The following CNOT6L variants were observed in gnomAD, a reference collection of about 807,000 sequenced individuals.
The protein encoded by CNOT6L is CCR4-NOT transcription complex subunit 6 like, also known as CCR4-NOT transcription complex subunit 6-like.
Under a neutral mutation model 64.0 loss-of-function variants are expected in CNOT6L, and 7 were observed. That is an observed-to-expected ratio of 0.11 (90% CI 0.06 to 0.21). CNOT6L has a LOEUF of 0.21. Ranked by LOEUF, CNOT6L falls within the 10% of genes least tolerant of loss-of-function variation. The pLI is 1.00. For missense variants in CNOT6L, 245 were observed against 669.0 expected, an observed-to-expected ratio of 0.37 and a Z score of 6.99; for synonymous variants, 193 against 243.4, an observed-to-expected ratio of 0.79 and a Z score of 1.93.
chr4:77,791,759 A>C (rs1730172228), intron 1 of CNOT6L, among the ~76,000 whole-genome samples: 2 of 152,100 alleles, frequency 1.3e-5, no homozygotes, highest in Admixed American at 6.5e-5. Flanking sequence ...TTGACTGTAA[A>C]TCACTCACAT....
chr4:77,793,117 T>A (rs972178532), intron 1 of CNOT6L, among the ~76,000 whole-genome samples: 1 of 151,904 alleles, frequency 6.6e-6, no homozygotes, highest in Non-Finnish European at 1.5e-5. Context: ...ATAGTATCCA[T>A]TGAAAAAAGC....
Position 77,729,042 on chromosome 4 carries a change from A to G in CNOT6L, c.1064T>C (p.Ile355Thr). ...CCAATGCATGTGGGCATTTGCCACT[A>G]TAAGCAGCTGTTTGTCTGCAGCATG... is the stretch of plus-strand genomic sequence containing the variant. ...PIHAADKQLLIVANAHMHWDP... is the reference protein window; with the variant it reads ...PIHAADKQLLTVANAHMHWDP... Residue 355 changes from isoleucine to threonine, a missense_variant, in exon 10 of 12, where the codon ATA becomes ACA. Physicochemically the swap from Ile to Thr is moderately conservative, Grantham distance 89 (BLOSUM62 -1). This residue lies in a region of CNOT6L where 94 missense variants were observed against 290.9 expected (regional missense o/e 0.32). Transcript: ENST00000504123. 1.2e-6 allele frequency: 2 copies of G among 1,613,574 alleles called. No individual in the cohort carries two copies. Among genetic ancestry groups the G allele is most frequent in the Non-Finnish European group, 1.7e-6 (2 of 1,179,576 alleles).
At position 77,773,126 on chromosome 4, in the gene CNOT6L, A is replaced by T; in HGVS notation, c.355T>A (p.Tyr119Asn). The change falls in exon 4 of 12, where the codon TAT (tyrosine) becomes AAT (asparagine). Residue 119 changes from tyrosine (Y) to asparagine (N), a missense_variant. Physicochemically the swap from Tyr to Asn is moderately radical, Grantham distance 143. Coordinates refer to ENST00000504123, the MANE Select transcript of CNOT6L (RefSeq NM_144571.3). The stretch of plus-strand genomic sequence containing the variant: ...AGCTGGAAGAGCCGACCAAGTTCAT[A>T]AGGCAAAACCCGTAACAGATTGTTA... ...LNNNLLRVLP[Y>N]ELGRLFQLQT... 6.2e-7 allele frequency: 1 copy of T among 1,603,360 alleles called. No homozygotes were observed. The highest frequency in any genetic ancestry group is 8.5e-7 in the Non-Finnish European group (1 of 1,177,108).
chr4:77,743,792 G>C (rs558507918), intron 7 of CNOT6L, among the ~76,000 whole-genome samples: 2 of 151,618 alleles, frequency 1.3e-5, no homozygotes, highest in South Asian at 4.2e-4. Flanking sequence ...AGTAGATATG[G>C]GGTTTCACCA....
intron 1 of CNOT6L, among the ~76,000 whole-genome samples, chr4:77,816,194 A>G (rs188699823): frequency 1.5e-4 from 23 of 152,236 alleles, no homozygotes; most frequent in Non-Finnish European, 2.9e-4. Context: ...ATATCCAAAT[A>G]TCTTTATAGT....
chr4:77,815,800 A>T (rs2110194041), intron 1 of CNOT6L, among the ~76,000 whole-genome samples: 1 of 152,358 alleles, frequency 6.6e-6, no homozygotes, highest in Non-Finnish European at 1.5e-5. Context: ...TCTAAGTTGT[A>T]TGAGTCCCTA....
intron 1 of CNOT6L, among the ~76,000 whole-genome samples, chr4:77,790,806 G>A (rs988446435): frequency 1.4e-5 from 2 of 146,406 alleles, no homozygotes; most frequent in African/African-American, 5.0e-5. Context: ...CCACCACTGC[G>A]CCTGGCTGAT....
At chr4:77,781,254 G>A (rs565629318) in intron 1 of CNOT6L, among the ~76,000 whole-genome samples, 1 of 152,082 alleles carries the variant, frequency 6.6e-6, no homozygotes, top group South Asian at 2.1e-4. Context: ...CCTAGATGAC[G>A]GGTTGATAGG....
chr4:77,775,893 A>T (rs1362283958), intron 2 of CNOT6L, among the ~76,000 whole-genome samples: 1 of 152,212 alleles, frequency 6.6e-6, no homozygotes, highest in Admixed American at 6.5e-5. Context: ...CAGTTATTAT[A>T]TATTTATTAG....
intron 7 of CNOT6L, among the ~76,000 whole-genome samples, chr4:77,742,779 T>C (rs760256210): frequency 2.6e-5 from 4 of 152,206 alleles, no homozygotes; most frequent in Non-Finnish European, 4.4e-5. Flanking sequence ...CTTTAAGAAA[T>C]TTTTAAGTAC....
At position 77,744,708 on chromosome 4, in the gene CNOT6L, A is replaced by G. The variant is rs1207204487; in HGVS notation, c.717+10T>C. ...TTAAGTTAAAGACAGTTTAATTTCT[A>G]TGGTGTTACCTGAAGACTAATGATA... is the stretch of plus-strand genomic sequence containing the variant. On this transcript the variant is annotated intron_variant, in intron 7 of 11. Coordinates refer to ENST00000504123, the MANE Select transcript of CNOT6L (RefSeq NM_144571.3). 1 of 1,600,064 alleles carries G rather than the reference A, an allele frequency of 6.2e-7. No individual in the cohort carries two copies. The highest frequency in any genetic ancestry group is 1.8e-5 in the Admixed American group (1 of 57,002).
intron 4 of CNOT6L, 32 bp downstream of exon 4, chr4:77,773,049 G>A: frequency 2.1e-6 from 3 of 1,445,964 alleles, no homozygotes; most frequent in Non-Finnish European, 2.8e-6. Context: ...AAAAGGCTCA[G>A]AATACCTCAA....
intron 8 of CNOT6L, among the ~76,000 whole-genome samples, chr4:77,733,119 T>A (rs1389692436): frequency 6.6e-6 from 1 of 152,056 alleles, no homozygotes; most frequent in Non-Finnish European, 1.5e-5. Flanking sequence ...TCTGGTGAGA[T>A]TCCCACAGAT....
chr4:77,748,381 T>A lies in CNOT6L; in HGVS notation c.494A>T (p.His165Leu). ...TGGCCTCGGAGGAAGCTGCTCTGGA[T>A]GAACTGAAAAAAATTTTGTAAATAT... The part of the protein sequence containing the change: ...LNFMLDNLAV[H>L]PEQLPPRPWI... Residue 165 changes from histidine to leucine, a missense_variant, in exon 6 of 12, where the codon CAT becomes CTT. Around this residue, in one of 10 missense-constraint regions of CNOT6L, gnomAD observed 94 missense variants for 290.9 expected, o/e 0.32. Coordinates refer to ENST00000504123, the MANE Select transcript of CNOT6L (RefSeq NM_144571.3). The A allele has an allele frequency of 6.2e-7, 1 of 1,610,344 alleles. No individual in the cohort carries two copies. Among genetic ancestry groups the A allele is most frequent in the Non-Finnish European group, 8.5e-7 (1 of 1,177,346 alleles).
At chr4:77,816,007 A>T (rs577230246) in intron 1 of CNOT6L, among the ~76,000 whole-genome samples, 1 of 152,374 alleles carries the variant, frequency 6.6e-6, no homozygotes, top group South Asian at 2.1e-4. Flanking sequence ...TACATACAGA[A>T]ATTCCTAAGT....
chr4:77,795,440 T>C (rs887623332), intron 1 of CNOT6L, among the ~76,000 whole-genome samples: 1 of 152,168 alleles, frequency 6.6e-6, no homozygotes, highest in African/African-American at 2.4e-5. Context: ...TCATGTCCAG[T>C]TGTGGTTCCT....
At chr4:77,764,625 G>A (rs1049123435) in intron 4 of CNOT6L, among the ~76,000 whole-genome samples, 3 of 152,158 alleles carry the variant, frequency 2.0e-5, no homozygotes, top group Non-Finnish European at 4.4e-5. Context: ...CATGGAAGCA[G>A]TAATACTGAA....
chr4:77,802,239 C>T (rs1731665965), intron 1 of CNOT6L, among the ~76,000 whole-genome samples: 1 of 152,080 alleles, frequency 6.6e-6, no homozygotes, highest in Non-Finnish European at 1.5e-5. Context: ...TATAAATATA[C>T]TGTATGTCAG....
At chr4:77,735,467 C>G (rs535994233) in intron 8 of CNOT6L, among the ~76,000 whole-genome samples, 23 of 152,250 alleles carry the variant, frequency 1.5e-4, no homozygotes, top group Non-Finnish European at 2.6e-4. Context: ...TTTCTCTACT[C>G]CAATATTTAT....
Sources: gnomAD v4.1 joint callset for allele counts (sites outside exome capture counted in the v4.1 genomes callset) on GRCh38, gnomAD v4.1.1 for gene constraint, gnomAD v4.1.1 regional missense constraint, MANE v1.5 for transcripts, NCBI Gene and HGNC (gene_info 2026-07-23, HGNC 2026-07-21) for gene names.